XIRP2: variants seen among roughly 807,000 people sequenced by gnomAD.
The protein encoded by XIRP2 is xin actin binding repeat containing 2, also known as xin actin-binding repeat-containing protein 2.
In XIRP2, 236 loss-of-function variants were observed where a neutral mutation model predicts 277.0. The observed-to-expected ratio is 0.85, with a 90% CI of 0.77 to 0.95. The LOEUF is 0.95. XIRP2 is among the 40% of genes least tolerant of loss of function. The pLI, the probability that XIRP2 is intolerant of heterozygous loss-of-function variation, is 0.00. For missense variants in XIRP2, 4,640 were observed against 4,157.5 expected (o/e 1.12, Z -3.19); for synonymous variants, 1,490 against 1,416.5 (o/e 1.05, Z -1.17).
chr2:167,187,536 G>C, intron 3 of XIRP2: 1 of 984,990 alleles, frequency 1.0e-6, no homozygotes, highest in South Asian at 4.7e-5. Context: ...TAAAAGGTAA[G>C]TGTAATATAG....
intron 2 of XIRP2, among the ~76,000 whole-genome samples, chr2:167,023,116 G>A (rs1367563639): frequency 6.6e-6 from 1 of 152,158 alleles, no homozygotes; most frequent in Non-Finnish European, 1.5e-5. Flanking sequence ...TCCAGCACCT[G>A]TTGTTTCCTG....
At chr2:167,082,646 T>C (rs1031804849) in intron 2 of XIRP2, among the ~76,000 whole-genome samples, 1 of 152,234 alleles carries the variant, frequency 6.6e-6, no homozygotes, top group African/African-American at 2.4e-5. Context: ...TTCCAACTGG[T>C]GTGAGATGGT....
chr2:167,022,610 C>A (rs1196289216), intron 2 of XIRP2, among the ~76,000 whole-genome samples: 1 of 151,980 alleles, frequency 6.6e-6, no homozygotes, highest in Non-Finnish European at 1.5e-5. Context: ...TACCCCCACC[C>A]CACAACAGGC....
At chr2:166,935,117 G>T (rs980688712) in intron 2 of XIRP2, among the ~76,000 whole-genome samples, 2 of 152,026 alleles carry the variant, frequency 1.3e-5, no homozygotes, top group African/African-American at 4.8e-5. Context: ...TTATAATTGG[G>T]TACATTGATG....
At chr2:167,100,311 C>T (rs758147140) in intron 2 of XIRP2, among the ~76,000 whole-genome samples, 4 of 152,034 alleles carry the variant, frequency 2.6e-5, no homozygotes, top group Non-Finnish European at 4.4e-5. Flanking sequence ...AGGTTTACTT[C>T]TTTAGAATTC....
chr2:166,943,026 T>G (rs1685760617), intron 2 of XIRP2, among the ~76,000 whole-genome samples: 1 of 152,128 alleles, frequency 6.6e-6, no homozygotes, highest in African/African-American at 2.4e-5. Context: ...AAATTTAAAT[T>G]TAATACCATT....
chr2:166,941,579 C>A (rs1209488440), intron 2 of XIRP2, among the ~76,000 whole-genome samples: 1 of 152,216 alleles, frequency 6.6e-6, no homozygotes, highest in Non-Finnish European at 1.5e-5. Context: ...AATTGGCCAT[C>A]TTGGAACCGC....
intron 2 of XIRP2, among the ~76,000 whole-genome samples, chr2:166,905,512 G>C (rs541622586): frequency 6.6e-6 from 1 of 151,922 alleles, no homozygotes; most frequent in Non-Finnish European, 1.5e-5. Flanking sequence ...AAATAATTAT[G>C]AAAAGAACCA....
Position 167,055,185 on chromosome 2 carries a change from C to G in XIRP2, c.409-80724C>G, listed in dbSNP as rs538489291. Among the ~76,000 whole-genome samples, 10 of 152,222 alleles carry G rather than the reference C, an allele frequency of 6.6e-5. No homozygotes were observed. In the South Asian group the frequency reaches 1.9e-3, roughly 28 times the overall value. On this transcript the variant is annotated intron_variant, in intron 2 of 10. Transcript: ENST00000409195. Reference sequence around the variant, plus strand: ...GTATTTTGTAAAACCTTTGAAAACTCCTTTCTCTTCACCGTGCTAAAGACC... The same window carrying G: ...GTATTTTGTAAAACCTTTGAAAACTGCTTTCTCTTCACCGTGCTAAAGACC...
At chr2:167,131,870 C>G (rs908548202) in intron 2 of XIRP2, among the ~76,000 whole-genome samples, 1 of 152,188 alleles carries the variant, frequency 6.6e-6, no homozygotes, top group Non-Finnish European at 1.5e-5. Context: ...CTACCCAACT[C>G]ATGATCTATC....
intron 2 of XIRP2, among the ~76,000 whole-genome samples, chr2:166,968,525 G>A (rs1477422530): frequency 6.6e-6 from 1 of 151,914 alleles, no homozygotes; most frequent in African/African-American, 2.4e-5. Context: ...CAACCACTTT[G>A]TGCCTTCAAA....
intron 2 of XIRP2, among the ~76,000 whole-genome samples, chr2:166,997,063 A>G (rs1261248321): frequency 1.3e-5 from 2 of 152,222 alleles, no homozygotes; most frequent in Non-Finnish European, 2.9e-5. Flanking sequence ...TATACTATGA[A>G]GGAGGACGTC....
At chr2:167,026,026 C>T (rs929930746) in intron 2 of XIRP2, among the ~76,000 whole-genome samples, 3 of 152,028 alleles carry the variant, frequency 2.0e-5, no homozygotes, top group Non-Finnish European at 4.4e-5. Context: ...CTTTCTGTCT[C>T]GTTGATCTGT....
At chr2:166,996,951 G>A (rs1324552442) in intron 2 of XIRP2, among the ~76,000 whole-genome samples, 1 of 152,284 alleles carries the variant, frequency 6.6e-6, no homozygotes, top group East Asian at 1.9e-4. Flanking sequence ...GTCTTTGCTA[G>A]ATAACATTTA....
In XIRP2 at chr2:167,214,901, G is replaced by A. The variant is rs533268020; in HGVS notation, c.724-3265G>A. On this transcript the variant is annotated intron_variant, in intron 4 of 10. Coordinates refer to ENST00000409195, the MANE Select transcript of XIRP2 (RefSeq NM_152381.6). ...GTTTTTTAATCCATTTTATAGATGA[G>A]AGGCAACCTGTCCAGTATAAGAATT... Among the ~76,000 whole-genome samples, 5 of 152,186 alleles carry A rather than the reference G, an allele frequency of 3.3e-5. No homozygotes were observed. In the South Asian group the frequency reaches 1.0e-3, roughly 32 times the overall value.
In XIRP2 at chr2:167,113,619, T is replaced by C. The variant is rs73015934; in HGVS notation, c.409-22290T>C. 7.9e-3 allele frequency among the ~76,000 whole-genome samples: 1,208 copies of C among 152,300 alleles called. 20 individuals carry two copies. Among genetic ancestry groups the C allele is most frequent in the African/African-American group, 0.028 (1,159 of 41,570 alleles). On this transcript the variant is annotated intron_variant, in intron 2 of 10. Transcript: ENST00000409195. ...CATCTTTCCACTCTGTGCTTTTTAA[T>C]TGGGGCATTTAAACTGTTTTCATTT...
At chr2:167,006,772 A>C (rs1352949840) in intron 2 of XIRP2, among the ~76,000 whole-genome samples, 1 of 151,682 alleles carries the variant, frequency 6.6e-6, no homozygotes, top group African/African-American at 2.4e-5. Flanking sequence ...CACACCAATA[A>C]ATTTTCTTCT....
chr2:167,246,390 G>A lies in XIRP2; in HGVS notation c.4998G>A (p.Leu1666=). The A allele has an allele frequency of 6.2e-7, 1 of 1,613,436 alleles. No homozygotes were observed. Among genetic ancestry groups the A allele is most frequent in the Non-Finnish European group, 8.5e-7 (1 of 1,179,688 alleles). ...ATGTACAACAAGCAATAAAAAACCT[G>A]TTCTCTGAGGAAAGATCTGTAAAGA... ...KGDVQQAIKN[L]FSEERSVKKG... is the part of the protein sequence containing the mutation. The change falls in exon 9 of 11, where the codon CTG becomes CTA. Residue 1666 remains leucine (L), a synonymous_variant. Coordinates refer to ENST00000409195, the MANE Select transcript of XIRP2 (RefSeq NM_152381.6).
chr2:167,189,584 G>C (rs536429977), intron 3 of XIRP2, among the ~76,000 whole-genome samples: 1 of 152,060 alleles, frequency 6.6e-6, no homozygotes, highest in African/African-American at 2.4e-5. Context: ...CACATAACAG[G>C]TTCATCCCTC....
Sources: allele counts gnomAD v4.1 joint callset (sites outside exome capture counted in the v4.1 genomes callset), GRCh38; gene constraint gnomAD v4.1.1; transcripts MANE v1.5; gene names NCBI Gene and HGNC (gene_info 2026-07-23, HGNC 2026-07-21).